The following DOCK7 variants were observed in gnomAD, a reference collection of about 807,000 sequenced individuals.
DOCK7 encodes dedicator of cytokinesis protein 7.
DOCK7 carries 138 observed loss-of-function variants against 271.0 expected under a neutral mutation model. That is an observed-to-expected ratio of 0.51 (90% CI 0.44 to 0.59). The LOEUF is 0.59. Among genes scored for constraint, DOCK7 ranks in the 20% least tolerant of loss-of-function variants. The probability of loss-of-function intolerance (pLI) is 0.00; values close to 1 mark genes in which losing one functional copy is unlikely to be tolerated. For missense variants in DOCK7, 2,066 were observed against 2,592.4 expected (o/e 0.80, Z 4.41); for synonymous variants, 823 against 876.1 (o/e 0.94, Z 1.07).
intron 48 of DOCK7, among the ~76,000 whole-genome samples, chr1:62,473,185 C>A (rs1288758251): frequency 6.6e-6 from 1 of 152,152 alleles, no homozygotes; most frequent in East Asian, 1.9e-4. Flanking sequence ...AGCTTCCCTA[C>A]GGGAGGTAGA....
chr1:62,617,233 T>C (rs957393260), intron 14 of DOCK7, among the ~76,000 whole-genome samples: 1 of 151,944 alleles, frequency 6.6e-6, no homozygotes, highest in Admixed American at 6.6e-5. Context: ...TGTATTTCAC[T>C]GTACTATAAG....
At chr1:62,485,563 T>C in intron 43 of DOCK7, 1 of 985,404 alleles carries the variant, frequency 1.0e-6, no homozygotes, top group African/African-American at 1.7e-5. Context: ...ACCAGAATAC[T>C]AGAAAATTAG....
In DOCK7 at chr1:62,542,510, T is replaced by G. The variant is rs760951363; in HGVS notation, c.3045+98A>C. The G allele has an allele frequency of 1.0e-5, 12 of 1,183,628 alleles. No individual in the cohort carries two copies. In the East Asian group the frequency reaches 2.4e-4, roughly 24 times the overall value. 73.3% of individuals were successfully genotyped at this position (1,183,628 alleles called of 1,614,324 possible). On this transcript the variant is annotated intron_variant, in intron 25 of 49. Transcript: ENST00000635253. ...AGAGGCACATGGAAAAGCGTTAAGA[T>G]GTGCAACAGAAAAAGATTTCTAAGG...
At chr1:62,499,081 C>T (rs1315195408) in intron 37 of DOCK7, among the ~76,000 whole-genome samples, 5 of 152,150 alleles carry the variant, frequency 3.3e-5, no homozygotes, top group Non-Finnish European at 5.9e-5. Flanking sequence ...GGATTACAGG[C>T]GTGAGCCACT....
chr1:62,625,510 G>T (rs1653834599), intron 11 of DOCK7, 109 bp from the exon 12 acceptor site: 9 of 1,087,228 alleles, frequency 8.3e-6, no homozygotes, highest in African/African-American at 1.6e-5. Context: ...TACCCACTCA[G>T]CATATCAAGT....
intron 22 of DOCK7, among the ~76,000 whole-genome samples, chr1:62,549,102 A>G (rs1387784381): frequency 6.6e-6 from 1 of 152,180 alleles, no homozygotes; most frequent in Non-Finnish European, 1.5e-5. Flanking sequence ...ACATCCAGAT[A>G]AAGAGATCAG....
chr1:62,613,504 A>G (rs1652060451), intron 14 of DOCK7, among the ~76,000 whole-genome samples: 1 of 152,220 alleles, frequency 6.6e-6, no homozygotes, highest in Admixed American at 6.5e-5. Context: ...AACAGATTTA[A>G]GTCTTTAAGA....
chr1:62,549,661 A>G (rs895657326), intron 22 of DOCK7, among the ~76,000 whole-genome samples: 19 of 152,184 alleles, frequency 1.2e-4, no homozygotes, highest in African/African-American at 4.6e-4. Context: ...ATCAAATTAT[A>G]TATACACTTC....
intron 14 of DOCK7, chr1:62,608,142 TAGA>T (rs1364221451): frequency 6.6e-6 from 1 of 152,210 alleles, no homozygotes; most frequent in Non-Finnish European, 1.5e-5. Context: ...GTGATGTTCC[TAGA>T]AGATGTGTCA....
At chr1:62,477,852 G>T in intron 43 of DOCK7, 27 bp from the exon 44 acceptor site, 1 of 1,557,424 alleles carries the variant, frequency 6.4e-7, no homozygotes. Context: ...TAGGAAAATG[G>T]AGAAACTTTA....
intron 48 of DOCK7, 125 bp from the exon 49 acceptor site, chr1:62,457,830 TG>T: frequency 6.7e-6 from 6 of 900,090 alleles, no homozygotes. Context: ...AGACTATATA[TG>T]TGGGCCTAAT....
At chr1:62,512,567 C>G (rs1337531986) in intron 33 of DOCK7, among the ~76,000 whole-genome samples, 1 of 151,970 alleles carries the variant, frequency 6.6e-6, no homozygotes, top group Non-Finnish European at 1.5e-5. Flanking sequence ...GTTTGATGGG[C>G]AATATTTTTG....
At chr1:62,523,604 C>T (rs1331834280) in intron 31 of DOCK7, among the ~76,000 whole-genome samples, 1 of 152,178 alleles carries the variant, frequency 6.6e-6, no homozygotes, top group Non-Finnish European at 1.5e-5. Flanking sequence ...CACAGTGGCT[C>T]ACGCCTGTAA....
At chr1:62,580,517 T>A (rs1238992127) in intron 16 of DOCK7, among the ~76,000 whole-genome samples, 2 of 152,214 alleles carry the variant, frequency 1.3e-5, no homozygotes, top group African/African-American at 4.8e-5. Flanking sequence ...TTTCTTGGTA[T>A]TCAGTGTTTT....
chr1:62,635,869 C>T (rs1332672257), intron 8 of DOCK7, among the ~76,000 whole-genome samples: 1 of 152,034 alleles, frequency 6.6e-6, no homozygotes, highest in Non-Finnish European at 1.5e-5. Flanking sequence ...CCCACTTTGG[C>T]CTGCCAAAGT....
chr1:62,591,067 T>C (rs1648368906), intron 14 of DOCK7, among the ~76,000 whole-genome samples: 1 of 152,038 alleles, frequency 6.6e-6, no homozygotes, highest in Non-Finnish European at 1.5e-5. Context: ...CTATTCACAA[T>C]AGCAAAAGAC....
At position 62,577,356 on chromosome 1, in the gene DOCK7, G is replaced by A; in HGVS notation, c.2018C>T (p.Pro673Leu). 6.4e-7 allele frequency: 1 copy of A among 1,562,148 alleles called. No individual in the cohort carries two copies. Among genetic ancestry groups the A allele is most frequent in the South Asian group, 1.3e-5 (1 of 79,474 alleles). The stretch of plus-strand genomic sequence containing the variant: ...CTTCAACCGTCCATTCTGAAGCATT[G>A]GTATCCACTTTTAAATGAAAAGAAA... Reference protein sequence around the residue: ...LETPVGYTWIPMLQNGRLKTG... With the variant: ...LETPVGYTWILMLQNGRLKTG... Residue 673 changes from proline (P) to leucine (L), a missense_variant, in exon 18 of 50, where the codon CCA becomes CTA. By Grantham distance (98) the Pro-to-Leu change is moderately conservative. Around this residue, in one of 2 missense-constraint regions of DOCK7, gnomAD observed 1,414 missense variants for 1,670.4 expected, o/e 0.85. Coordinates refer to ENST00000635253, the MANE Select transcript of DOCK7 (RefSeq NM_001367561.1).
intron 48 of DOCK7, among the ~76,000 whole-genome samples, chr1:62,471,482 C>T (rs577155715): frequency 6.6e-5 from 10 of 152,084 alleles, no homozygotes; most frequent in Admixed American, 2.0e-4. Flanking sequence ...GGCAACATAG[C>T]GAGACTTCAT....
intron 14 of DOCK7, among the ~76,000 whole-genome samples, chr1:62,587,344 T>A (rs534725830): frequency 2.0e-5 from 3 of 147,814 alleles, no homozygotes; most frequent in African/African-American, 7.4e-5. Context: ...TTACTTTACC[T>A]GAAGACTAGC....
Sources: gnomAD v4.1 joint callset for allele counts (sites outside exome capture counted in the v4.1 genomes callset) on GRCh38, gnomAD v4.1.1 for gene constraint, gnomAD v4.1.1 regional missense constraint, MANE v1.5 for transcripts, NCBI Gene and HGNC (gene_info 2026-07-23, HGNC 2026-07-21) for gene names.